SLCO4C1: variants seen among roughly 807,000 people sequenced by gnomAD.
The protein encoded by SLCO4C1 is solute carrier organic anion transporter family member 4C1, also known as organic anion transporter M1.
SLCO4C1 carries 58 observed loss-of-function variants against 72.1 expected under a neutral mutation model. That is an observed-to-expected ratio of 0.80 (90% confidence interval 0.65 to 1.00). SLCO4C1 has a LOEUF of 1.00. Ranked by LOEUF, SLCO4C1 falls within the 50% of genes least tolerant of loss-of-function variation. The pLI is 0.00. For missense variants in SLCO4C1, 898 were observed against 857.9 expected (o/e 1.05, Z -0.58); for synonymous variants, 297 against 312.5 (o/e 0.95, Z 0.52).
At chr5:102,246,928 A>G (rs1158054961) in intron 10 of SLCO4C1, among the ~76,000 whole-genome samples, 1 of 152,154 alleles carries the variant, frequency 6.6e-6, no homozygotes, top group Non-Finnish European at 1.5e-5. Flanking sequence ...TGATTCTGGC[A>G]TATTGGAATG....
intron 11 of SLCO4C1, among the ~76,000 whole-genome samples, chr5:102,240,077 C>T (rs965412620): frequency 6.6e-6 from 1 of 152,034 alleles, no homozygotes; most frequent in African/African-American, 2.4e-5. Context: ...AATCATTTTC[C>T]TACTTTCATT....
chr5:102,286,940 G>C (rs768937439), intron 2 of SLCO4C1, among the ~76,000 whole-genome samples: 1 of 151,790 alleles, frequency 6.6e-6, no homozygotes, highest in Non-Finnish European at 1.5e-5. Flanking sequence ...TATTACTTTA[G>C]TTTCCTCTTA....
intron 2 of SLCO4C1, among the ~76,000 whole-genome samples, chr5:102,290,046 G>T (rs28469696): frequency 0.19 from 29,233 of 152,102 alleles, 3,761 homozygotes; most frequent in Non-Finnish European, 0.25. Flanking sequence ...TATTTATATA[G>T]AAAAGAAATT....
At chr5:102,242,356 C>T (rs1748560136) in intron 10 of SLCO4C1, among the ~76,000 whole-genome samples, 2 of 152,202 alleles carry the variant, frequency 1.3e-5, no homozygotes, top group African/African-American at 2.4e-5. Context: ...ACTGAGACAA[C>T]AGCTGGGACA....
intron 8 of SLCO4C1, 39 bp from the exon 9 acceptor site, chr5:102,249,827 A>G: frequency 6.3e-7 from 1 of 1,597,138 alleles, no homozygotes; most frequent in Non-Finnish European, 8.5e-7. Flanking sequence ...ATGATCTGTC[A>G]TAACTTTTAA....
chr5:102,263,473 A>C (rs1198467097), intron 4 of SLCO4C1, among the ~76,000 whole-genome samples: 1 of 152,114 alleles, frequency 6.6e-6, no homozygotes, highest in Non-Finnish European at 1.5e-5. Context: ...TTATGAAAAT[A>C]TGTTATTATA....
At chr5:102,276,022 G>A (rs766358861) in intron 2 of SLCO4C1, among the ~76,000 whole-genome samples, 6 of 152,210 alleles carry the variant, frequency 3.9e-5, no homozygotes, top group Non-Finnish European at 7.4e-5. Flanking sequence ...CCACACCAGT[G>A]GGGAGGACAC....
At chr5:102,246,261 CCTGA>C (rs1434774139) in intron 10 of SLCO4C1, among the ~76,000 whole-genome samples, 4 of 151,702 alleles carry the variant, frequency 2.6e-5, no homozygotes, top group Admixed American at 6.6e-5. Context: ...AAACCTTTAG[CCTGA>C]CTAAGAAAAA....
intron 3 of SLCO4C1, among the ~76,000 whole-genome samples, chr5:102,264,332 G>A (rs758222367): frequency 7.2e-5 from 11 of 151,990 alleles, no homozygotes; most frequent in Non-Finnish European, 1.3e-4. Flanking sequence ...CTATCTGTGA[G>A]ATATTTAAAA....
In SLCO4C1 at chr5:102,236,028, T is replaced by G. The variant is rs954405129; in HGVS notation, c.*830A>C. 6.6e-6 allele frequency: 1 copy of G among 152,308 alleles called. No individual in the cohort carries two copies. Among genetic ancestry groups the G allele is most frequent in the Middle Eastern group, 3.4e-3 (1 of 294 alleles). 9.4% of individuals were successfully genotyped at this position (152,308 alleles called of 1,614,324 possible). On this transcript the variant is annotated 3_prime_UTR_variant, in exon 13 of 13. Coordinates refer to ENST00000310954, the MANE Select transcript of SLCO4C1 (RefSeq NM_180991.5). ...TTAAAGGTATATAAGTATTGATCAATAGTTTCATGTTTAGTTGGCATTTTT... is the reference window on the plus strand; with the variant it reads ...TTAAAGGTATATAAGTATTGATCAAGAGTTTCATGTTTAGTTGGCATTTTT...
rs746700572 is a variant in SLCO4C1, at chr5:102,260,261, T to G, written c.1080A>C (p.Ala360=). 2 of 1,405,222 alleles carry G rather than the reference T, an allele frequency of 1.4e-6. No individual in the cohort carries two copies. The highest frequency in any genetic ancestry group is 3.9e-5 in the South Asian group (2 of 51,236). The allele number at this position is 1,405,222 out of a possible 1,614,324, so 87.0% of individuals were successfully genotyped here. The change falls in exon 6 of 13, where the codon GCA becomes GCC. Residue 360 remains alanine (A), a synonymous_variant. Transcript: ENST00000310954. ...TSQAHQSNSN[A]DVKFGKSIKD... ...TAATACTTTTTCCAAATTTCACATCTGCATTACTATTACTCTGATGAGCCT... is the reference window on the plus strand; with the variant it reads ...TAATACTTTTTCCAAATTTCACATCGGCATTACTATTACTCTGATGAGCCT...
rs533557395 is a variant in SLCO4C1, at chr5:102,257,147, C to G, written c.1437G>C (p.Glu479Asp). The G allele has an allele frequency of 3.1e-6, 5 of 1,594,028 alleles. No individual in the cohort carries two copies. In the South Asian group the frequency reaches 5.7e-5, roughly 18 times the overall value. The change falls in exon 8 of 13, where the codon GAG becomes GAC. Residue 479 changes from glutamate to aspartate, a missense_variant. Coordinates refer to ENST00000310954, the MANE Select transcript of SLCO4C1 (RefSeq NM_180991.5). ...ATGATTCAGATACACCAGCAAATGG[C>G]TCATTTTCACATTTGGCATACATAA... ...FVFMYAKCEN[E>D]PFAGVSESYN... is the part of the protein sequence containing the mutation.
chr5:102,260,042 G>T (rs1416377138), intron 6 of SLCO4C1, among the ~76,000 whole-genome samples, 171 bp downstream of exon 6: 1 of 151,538 alleles, frequency 6.6e-6, no homozygotes, highest in Admixed American at 6.6e-5. Context: ...GTGTGTGTGG[G>T]TTTATGTGGG....
At chr5:102,279,882 A>T (rs1419026901) in intron 2 of SLCO4C1, among the ~76,000 whole-genome samples, 1 of 152,032 alleles carries the variant, frequency 6.6e-6, no homozygotes, top group African/African-American at 2.4e-5. Context: ...GTGTTTGGCA[A>T]CATTCAACAA....
chr5:102,265,566 TAA>T (rs1749021710), intron 3 of SLCO4C1, among the ~76,000 whole-genome samples: 2 of 152,154 alleles, frequency 1.3e-5, no homozygotes, highest in Admixed American at 6.6e-5. Flanking sequence ...CACCATTTAT[TAA>T]AGAGTCCCCA....
chr5:102,286,496 A>G (rs841934), intron 2 of SLCO4C1, among the ~76,000 whole-genome samples: 121,126 of 152,074 alleles, frequency 0.8, 48,619 homozygotes, highest in African/African-American at 0.9. Context: ...AAGTCATACT[A>G]CAATATGTTG....
chr5:102,238,650 A>G (rs2112331210), intron 12 of SLCO4C1, among the ~76,000 whole-genome samples: 1 of 152,304 alleles, frequency 6.6e-6, no homozygotes, highest in African/African-American at 2.4e-5. Context: ...CTAGGTTATT[A>G]TTCAAATTTT....
chr5:102,236,556 A>G lies in SLCO4C1; in HGVS notation c.*302T>C. The G allele has an allele frequency of 5.3e-6, 1 of 187,214 alleles. No individual in the cohort carries two copies. Among genetic ancestry groups the G allele is most frequent in the Non-Finnish European group, 1.1e-5 (1 of 92,344 alleles). The allele number at this position is 187,214 out of a possible 1,614,324, so 11.6% of individuals were successfully genotyped here. A position where few individuals can be genotyped will look rare whatever the true frequency, so the allele number is the denominator to read the frequency against. ...GAGGATTTCATACCTAGACAATGGG[A>G]ATAGGAAATAAGTGTGTATGTGTGC... On this transcript the variant is annotated 3_prime_UTR_variant, in exon 13 of 13. Transcript: ENST00000310954.
chr5:102,263,611 A>G, intron 4 of SLCO4C1, 73 bp downstream of exon 4: 1 of 1,232,998 alleles, frequency 8.1e-7, no homozygotes, highest in Non-Finnish European at 1.2e-6. Flanking sequence ...TACTGTGAAA[A>G]TGTTCTGTCT....
Sources: gnomAD v4.1 joint callset for allele counts (sites outside exome capture counted in the v4.1 genomes callset) on GRCh38, gnomAD v4.1.1 for gene constraint, MANE v1.5 for transcripts, NCBI Gene and HGNC (gene_info 2026-07-23, HGNC 2026-07-21) for gene names.